RABEP2: variants seen among roughly 807,000 people sequenced by gnomAD.
RABEP2 encodes rab GTPase-binding effector protein 2.
RABEP2 carries 57 observed loss-of-function variants against 74.1 expected under a neutral mutation model. That is an observed-to-expected ratio of 0.77 (90% CI 0.62 to 0.96). The LOEUF (loss-of-function observed/expected upper bound fraction) is 0.96, where lower values mean the gene tolerates loss of function less well. Ranked by LOEUF, RABEP2 falls within the 40% of genes least tolerant of loss-of-function variation. The pLI is 0.00. For missense variants in RABEP2, 692 were observed against 756.3 expected (o/e 0.91, Z 1.00); for synonymous variants, 351 against 344.0 (o/e 1.02, Z -0.23).
chr16:28,909,740 G>C (rs1308158974), intron 7 of RABEP2, among the ~76,000 whole-genome samples: 1 of 150,788 alleles, frequency 6.6e-6, no homozygotes, highest in African/African-American at 2.5e-5. Flanking sequence ...AAAAAAAACA[G>C]GAGGCCGGGC....
At chr16:28,924,721 T>C (rs1964510948) in intron 1 of RABEP2, 106 bp from the exon 2 acceptor site, 2 of 1,077,138 alleles carry the variant, frequency 1.9e-6, no homozygotes, top group South Asian at 1.3e-5. Context: ...TGGGGCCTCC[T>C]TCACCTGGGC....
chr16:28,905,793 C>T, intron 10 of RABEP2, 34 bp from the exon 11 acceptor site: 1 of 1,613,948 alleles, frequency 6.2e-7, no homozygotes, highest in Non-Finnish European at 8.5e-7. Context: ...ACGTCAGGGC[C>T]ATGCCCTCTC....
rs190073645 is a variant in RABEP2, at chr16:28,915,737, G to T, written c.433-955C>A. ...TTTTTGTATTTTTAGTAGAGACAGG[G>T]TTTCACTATTTTGGCCAGGCTTGTC... On this transcript the variant is annotated intron_variant, in intron 3 of 12. Transcript: ENST00000358201. 1.4e-3 allele frequency among the ~76,000 whole-genome samples: 212 copies of T among 150,754 alleles called. 1 individual carries two copies. The highest frequency in any genetic ancestry group is 5.0e-3 in the African/African-American group (206 of 40,996).
At chr16:28,913,144 G>A (rs765013071) in intron 5 of RABEP2, among the ~76,000 whole-genome samples, 22 of 151,838 alleles carry the variant, frequency 1.4e-4, no homozygotes, top group Non-Finnish European at 2.2e-4. Flanking sequence ...TGGTCAGGCT[G>A]GTCTTGAACT....
chr16:28,922,474 C>A (rs1964479597), intron 2 of RABEP2, among the ~76,000 whole-genome samples: 1 of 152,092 alleles, frequency 6.6e-6, no homozygotes, highest in Non-Finnish European at 1.5e-5. Context: ...CTAATCCCAG[C>A]ACTCTGGGAG....
rs1349893583 is a variant in RABEP2, at chr16:28,910,963, G to C, written c.1014C>G (p.Val338=). 6.2e-7 allele frequency: 1 copy of C among 1,612,292 alleles called. No homozygotes were observed. Among genetic ancestry groups the C allele is most frequent in the Non-Finnish European group, 8.5e-7 (1 of 1,179,026 alleles). Residue 338 remains valine (V), a synonymous_variant, in exon 7 of 13, where the codon GTC becomes GTG. Coordinates refer to ENST00000358201, the MANE Select transcript of RABEP2 (RefSeq NM_024816.3). The part of the protein sequence containing the change: ...AKQMQVLLAQ[V]QNSEQLLRTL... ...TCCGCAGCAGCTGCTCTGAGTTCTG[G>C]ACCTGGGCCAGGAGCACCTGCATCT...
intron 3 of RABEP2, among the ~76,000 whole-genome samples, chr16:28,915,326 T>C (rs905292396): frequency 6.6e-6 from 1 of 150,792 alleles, no homozygotes; most frequent in African/African-American, 2.4e-5. Flanking sequence ...CCCAAGGTGC[T>C]GGCATTACAA....
intron 5 of RABEP2, among the ~76,000 whole-genome samples, chr16:28,913,391 AT>A (rs952417612): frequency 1.5e-4 from 22 of 151,282 alleles, no homozygotes; most frequent in African/African-American, 2.4e-4. Context: ...ATCCATGTGC[AT>A]TTTTTTTTAA....
intron 2 of RABEP2, among the ~76,000 whole-genome samples, chr16:28,922,364 A>C (rs1964477995): frequency 6.6e-6 from 1 of 152,148 alleles, no homozygotes; most frequent in Non-Finnish European, 1.5e-5. Context: ...AGGTGGGCGG[A>C]TCACAAGGTC....
intron 3 of RABEP2, among the ~76,000 whole-genome samples, chr16:28,916,856 C>T (rs190965708): frequency 2.2e-4 from 33 of 150,846 alleles, no homozygotes; most frequent in Admixed American, 8.7e-4. Flanking sequence ...TGGTGGTGCG[C>T]GCCTGTAATC....
At chr16:28,921,762 C>T (rs1048229462) in intron 2 of RABEP2, among the ~76,000 whole-genome samples, 2 of 147,984 alleles carry the variant, frequency 1.4e-5, no homozygotes, top group Admixed American at 6.9e-5. Context: ...GTCAGGAGTT[C>T]GAGACCAGCC....
intron 5 of RABEP2, among the ~76,000 whole-genome samples, chr16:28,913,778 C>CT (rs1163826105): frequency 0.022 from 2,621 of 120,430 alleles, 138 homozygotes; most frequent in Admixed American, 0.1. Context: ...CACCCGGCCT[C>CT]TTTTTTTTTT....
intron 9 of RABEP2, 56 bp downstream of exon 9, chr16:28,905,963 G>A: frequency 1.2e-6 from 2 of 1,612,090 alleles, no homozygotes; most frequent in Admixed American, 3.3e-5. Context: ...GTGGCTCCCT[G>A]CAAGGCCGAC....
At chr16:28,908,867 G>A (rs1162475001) in intron 7 of RABEP2, 103 bp from the exon 8 acceptor site, 1 of 1,234,390 alleles carries the variant, frequency 8.1e-7, no homozygotes, top group Middle Eastern at 2.0e-4. Context: ...GACAGCAAGA[G>A]AGCCCATACC....
intron 2 of RABEP2, among the ~76,000 whole-genome samples, chr16:28,923,580 T>C (rs1021306356): frequency 2.0e-5 from 3 of 152,230 alleles, no homozygotes; most frequent in South Asian, 2.1e-4. Context: ...GCACAGTAAG[T>C]TGTACAAGGA....
intron 8 of RABEP2, 26 bp downstream of exon 8, chr16:28,908,583 G>A (rs1444547723): frequency 6.3e-7 from 1 of 1,580,424 alleles, no homozygotes; most frequent in Admixed American, 1.8e-5. Flanking sequence ...GTGGCTCCAG[G>A]CTCTCAGTGC....
chr16:28,923,795 A>G (rs1270373697), intron 2 of RABEP2, among the ~76,000 whole-genome samples: 2 of 152,206 alleles, frequency 1.3e-5, no homozygotes, highest in Non-Finnish European at 2.9e-5. Flanking sequence ...GAGAGAGTTG[A>G]CGAGAGCCCC....
At chr16:28,912,023 G>T (rs143530368) in intron 5 of RABEP2, among the ~76,000 whole-genome samples, 1 of 151,988 alleles carries the variant, frequency 6.6e-6, no homozygotes, top group African/African-American at 2.4e-5. Context: ...GAGGTGGGCG[G>T]ATCACGAGGT....
At position 28,914,263 on chromosome 16, in the gene RABEP2, G is replaced by A. The variant is rs767222987; in HGVS notation, c.867C>T (p.Asp289=). 3.1e-6 allele frequency: 5 copies of A among 1,609,264 alleles called. No individual in the cohort carries two copies. The highest frequency in any genetic ancestry group is 1.1e-5 in the South Asian group (1 of 90,600). ...LPPPGYQLVP[D]TQWEQLQTEG... ...CTGTCTGCAGCTGCTCCCACTGAGT[G>A]TCTGGGACGAGCTGGTAGCCAGGAG... Residue 289 remains aspartate, a synonymous_variant, in exon 5 of 13, where the codon GAC becomes GAT. Transcript: ENST00000358201.
Sources: gnomAD v4.1 joint callset for allele counts (sites outside exome capture counted in the v4.1 genomes callset) on GRCh38, gnomAD v4.1.1 for gene constraint, MANE v1.5 for transcripts, NCBI Gene and HGNC (gene_info 2026-07-23, HGNC 2026-07-21) for gene names.